Variants in GPC6 observed in about 807,000 individuals in gnomAD.
GPC6 encodes glypican-6.
GPC6 carries 14 observed loss-of-function variants against 55.2 expected under a neutral mutation model. That is an observed-to-expected ratio of 0.25 (90% CI 0.17 to 0.40). The LOEUF (loss-of-function observed/expected upper bound fraction) is 0.40, where lower values mean the gene tolerates loss of function less well. Among genes scored for constraint, GPC6 ranks in the 10% least tolerant of loss-of-function variants. The pLI is 1.00. For missense variants in GPC6, 641 were observed against 708.5 expected (o/e 0.90, Z 1.08); for synonymous variants, 278 against 259.6 (o/e 1.07, Z -0.68).
rs115155610 is a variant in GPC6, at chr13:93,241,020, C to T, written c.160+13404C>T. 2.5e-3 allele frequency among the ~76,000 whole-genome samples: 373 copies of T among 152,212 alleles called. 3 individuals carry two copies. The highest frequency in any genetic ancestry group is 8.3e-3 in the African/African-American group (345 of 41,506). ...GCTGGGAAGTCTGCCATTAGTCTGA[C>T]AGATTTTCCTTTATAAGTTTTGATG... On this transcript the variant is annotated intron_variant, in intron 1 of 8. Transcript: ENST00000377047.
chr13:93,333,828 G>A (rs1391698887), intron 1 of GPC6, among the ~76,000 whole-genome samples: 2 of 152,138 alleles, frequency 1.3e-5, no homozygotes, highest in Non-Finnish European at 2.9e-5. Context: ...ATGAGCCAGT[G>A]TGCCAAGCCA....
At chr13:94,013,610 A>G (rs553627052) in intron 3 of GPC6, among the ~76,000 whole-genome samples, 59 of 152,342 alleles carry the variant, frequency 3.9e-4, no homozygotes, top group African/African-American at 1.3e-3. Context: ...TTGGCCTCCC[A>G]AAGGGCTGGG....
At chr13:94,093,919 G>GA (rs919817976) in intron 4 of GPC6, among the ~76,000 whole-genome samples, 5 of 151,804 alleles carry the variant, frequency 3.3e-5, no homozygotes, top group African/African-American at 4.8e-5. Flanking sequence ...GCTAGCACAG[G>GA]AAAAAAACAC....
chr13:93,761,363 A>G (rs1420098095), intron 2 of GPC6, among the ~76,000 whole-genome samples: 3 of 152,162 alleles, frequency 2.0e-5, no homozygotes, highest in Admixed American at 2.0e-4. Context: ...CAGATTAGAA[A>G]CTAGCACATG....
At chr13:94,349,811 C>T (rs993110915) in intron 6 of GPC6, among the ~76,000 whole-genome samples, 4 of 152,156 alleles carry the variant, frequency 2.6e-5, no homozygotes, top group Non-Finnish European at 5.9e-5. Flanking sequence ...GTGTCACATG[C>T]CCTTTGCCAC....
chr13:94,246,778 A>G (rs920009337), intron 4 of GPC6, among the ~76,000 whole-genome samples: 1 of 152,056 alleles, frequency 6.6e-6, no homozygotes, highest in African/African-American at 2.4e-5. Context: ...AATATAATTT[A>G]AAATCAGGAG....
At chr13:94,339,466 G>A (rs1877907371) in intron 6 of GPC6, among the ~76,000 whole-genome samples, 1 of 152,150 alleles carries the variant, frequency 6.6e-6, no homozygotes, top group African/African-American at 2.4e-5. Flanking sequence ...CTCGGGGCCT[G>A]TGATAGTCAG....
chr13:94,387,769 G>A (rs1033824401), intron 7 of GPC6, among the ~76,000 whole-genome samples: 11 of 72,544 alleles, frequency 1.5e-4, no homozygotes, highest in Non-Finnish European at 2.2e-4. Context: ...TCTCTCTGCC[G>A]TGTGAGGACA....
At chr13:93,953,575 C>T (rs1217083012) in intron 3 of GPC6, among the ~76,000 whole-genome samples, 5 of 152,172 alleles carry the variant, frequency 3.3e-5, no homozygotes. Flanking sequence ...TTTCTTCCAA[C>T]ATTTGAAATC....
At chr13:93,726,885 G>A (rs1235909913) in intron 2 of GPC6, among the ~76,000 whole-genome samples, 2 of 152,080 alleles carry the variant, frequency 1.3e-5, no homozygotes, top group African/African-American at 4.8e-5. Context: ...CTCAGTGTAA[G>A]GGATGCCCAA....
At chr13:93,582,210 T>C (rs1876972282) in intron 2 of GPC6, among the ~76,000 whole-genome samples, 1 of 152,216 alleles carries the variant, frequency 6.6e-6, no homozygotes, top group African/African-American at 2.4e-5. Flanking sequence ...TCTATGCAGA[T>C]ATTAATGATC....
intron 4 of GPC6, among the ~76,000 whole-genome samples, chr13:94,211,345 G>T (rs1412939): frequency 6.6e-6 from 1 of 152,006 alleles, no homozygotes; most frequent in Non-Finnish European, 1.5e-5. Context: ...TTAAGTGCCT[G>T]AAGATTTATG....
chr13:93,656,605 C>T (rs928008170), intron 2 of GPC6, among the ~76,000 whole-genome samples: 5 of 152,106 alleles, frequency 3.3e-5, no homozygotes, highest in Non-Finnish European at 5.9e-5. Flanking sequence ...CTTTACAAAT[C>T]ACATTGACTT....
chr13:93,898,088 ACTGT>A (rs1189127336), intron 3 of GPC6, among the ~76,000 whole-genome samples: 3 of 152,178 alleles, frequency 2.0e-5, no homozygotes, highest in Non-Finnish European at 2.9e-5. Context: ...GAGCCATCAG[ACTGT>A]CTTTCTTGAC....
At chr13:93,901,345 A>T (rs746379489) in intron 3 of GPC6, among the ~76,000 whole-genome samples, 1 of 150,916 alleles carries the variant, frequency 6.6e-6, no homozygotes, top group Non-Finnish European at 1.5e-5. Flanking sequence ...AAGTATTTGT[A>T]TTATACTTTT....
intron 2 of GPC6, among the ~76,000 whole-genome samples, chr13:93,719,207 A>G (rs1883360016): frequency 6.6e-6 from 1 of 152,018 alleles, no homozygotes; most frequent in African/African-American, 2.4e-5. Context: ...GATTCTTCCT[A>G]TCCATGAGCA....
chr13:93,989,562 G>A (rs1417724568), intron 3 of GPC6, among the ~76,000 whole-genome samples: 1 of 152,120 alleles, frequency 6.6e-6, no homozygotes, highest in Non-Finnish European at 1.5e-5. Context: ...TAAAGTCTGG[G>A]CTCAGTGCCG....
intron 4 of GPC6, among the ~76,000 whole-genome samples, chr13:94,129,337 A>G (rs1886934194): frequency 1.3e-5 from 2 of 152,070 alleles, no homozygotes; most frequent in African/African-American, 4.8e-5. Flanking sequence ...GCAGGGAATT[A>G]CATTTCCCAG....
intron 1 of GPC6, among the ~76,000 whole-genome samples, chr13:93,413,445 G>C (rs1263638518): frequency 6.6e-6 from 1 of 152,102 alleles, no homozygotes; most frequent in South Asian, 2.1e-4. Context: ...ATAACTGCGT[G>C]TGAGATTGCA....
Sources: gnomAD v4.1 joint callset for allele counts (sites outside exome capture counted in the v4.1 genomes callset) on GRCh38, gnomAD v4.1.1 for gene constraint, MANE v1.5 for transcripts, NCBI Gene and HGNC (gene_info 2026-07-23, HGNC 2026-07-21) for gene names.